ABCC12: variants seen among roughly 807,000 people sequenced by gnomAD.
ABCC12 encodes ATP binding cassette subfamily C member 12, also known as ATP-binding cassette sub-family C member 12.
ABCC12 carries 142 observed loss-of-function variants against 151.1 expected under a neutral mutation model. The observed-to-expected ratio is 0.94, with a 90% confidence interval of 0.82 to 1.08. ABCC12 has a LOEUF of 1.08. ABCC12 is among the 50% of genes least tolerant of loss of function. ABCC12 has a pLI of 0.00. For synonymous variants in ABCC12, 645 were observed against 646.4 expected (o/e 1.00, Z 0.03); for missense variants, 1,638 against 1,691.1 (o/e 0.97, Z 0.55).
chr16:48,107,292 G>A (rs199964733), intron 20 of ABCC12, 30 bp downstream of exon 20: 8 of 1,597,076 alleles, frequency 5.0e-6, no homozygotes, highest in East Asian at 2.2e-5. Context: ...ACACAGACTC[G>A]GCATCTTCCA....
chr16:48,137,977 G>A (rs572815398), intron 8 of ABCC12, among the ~76,000 whole-genome samples: 3 of 152,208 alleles, frequency 2.0e-5, no homozygotes, highest in African/African-American at 4.8e-5. Context: ...AAAGTAACTC[G>A]CCAGGACCAG....
At chr16:48,108,054 A>C (rs1963557756) in intron 19 of ABCC12, among the ~76,000 whole-genome samples, 1 of 152,150 alleles carries the variant, frequency 6.6e-6, no homozygotes. Context: ...AACCAAGGAA[A>C]ACCCAGTCTT....
intron 8 of ABCC12, among the ~76,000 whole-genome samples, chr16:48,134,447 G>C (rs1276716922): frequency 6.6e-6 from 1 of 152,186 alleles, no homozygotes; most frequent in Non-Finnish European, 1.5e-5. Flanking sequence ...AGAATGTTTG[G>C]TTCCCTATAG....
chr16:48,152,958 T>G (rs1965136413), intron 2 of ABCC12, among the ~76,000 whole-genome samples: 1 of 152,144 alleles, frequency 6.6e-6, no homozygotes, highest in Admixed American at 6.5e-5. Flanking sequence ...GAAAATTAAT[T>G]TGCTATAAAG....
At position 48,088,040 on chromosome 16, in the gene ABCC12, G is replaced by T; in HGVS notation, c.3521C>A (p.Ala1174Asp). Residue 1174 changes from alanine (A) to aspartate (D), a missense_variant, in exon 27 of 31, where the codon GCC becomes GAC. Ala to Asp is a moderately radical substitution (Grantham distance 126, BLOSUM62 -2). Transcript: ENST00000311303. ...GMALFRLVEP[A>D]SGTIFIDEVD... ...CTCATCAATAAAGATTGTGCCACTG[G>T]CTGGCTCCACCAGACGAAACAAAGC... 1.2e-6 allele frequency: 2 copies of T among 1,614,204 alleles called. No homozygotes were observed. Among genetic ancestry groups the T allele is most frequent in the Middle Eastern group, 1.6e-4 (1 of 6,062 alleles).
intron 3 of ABCC12, 34 bp from the exon 4 acceptor site, chr16:48,144,099 A>C: frequency 6.3e-6 from 10 of 1,590,234 alleles, no homozygotes; most frequent in Non-Finnish European, 8.6e-6. Flanking sequence ...CGTTCCAGGC[A>C]CTGGGGTCAT....
intron 24 of ABCC12, among the ~76,000 whole-genome samples, chr16:48,094,021 A>T (rs1597303105): frequency 6.6e-6 from 1 of 152,228 alleles, no homozygotes; most frequent in East Asian, 1.9e-4. Context: ...AAGTGTTCCC[A>T]TAGATCTCAA....
At chr16:48,128,062 T>A (rs937691677) in intron 11 of ABCC12, among the ~76,000 whole-genome samples, 1 of 152,160 alleles carries the variant, frequency 6.6e-6, no homozygotes, top group Non-Finnish European at 1.5e-5. Flanking sequence ...GAGGCCGCAG[T>A]GAGTTCTGAT....
At chr16:48,146,599 T>C (rs149371123) in intron 2 of ABCC12, 125 bp from the exon 3 acceptor site, 27 of 593,798 alleles carry the variant, frequency 4.5e-5, no homozygotes, top group African/African-American at 4.1e-4. Context: ...ACCAATGAGC[T>C]TTCCACATTT....
chr16:48,146,582 T>G (rs1965011723), intron 2 of ABCC12, 108 bp from the exon 3 acceptor site: 1 of 619,858 alleles, frequency 1.6e-6, no homozygotes, highest in Non-Finnish European at 2.8e-6. Context: ...CCCTGAGAAC[T>G]GTTTTCACCA....
chr16:48,082,603 A>C lies in ABCC12; in HGVS notation c.*1112T>G, dbSNP rs1234464004. The stretch of plus-strand genomic sequence containing the variant: ...CGTCTGGGGAAGCAAGTACGTGACC[A>C]ACACTTACAAGGGAAGTGGGGTGGG... On this transcript the variant is annotated 3_prime_UTR_variant, in exon 31 of 31. Coordinates refer to ENST00000311303, the MANE Select transcript of ABCC12 (RefSeq NM_001393797.1). Among the ~76,000 whole-genome samples the C allele has an allele frequency of 6.6e-6, 1 of 152,154 alleles. No homozygotes were observed. The highest frequency in any genetic ancestry group is 1.5e-5 in the Non-Finnish European group (1 of 68,014).
chr16:48,091,058 G>C, intron 25 of ABCC12, 62 bp downstream of exon 25: 1 of 1,500,130 alleles, frequency 6.7e-7, no homozygotes, highest in Non-Finnish European at 9.3e-7. Context: ...AAAAGATCCA[G>C]TATTTGCCCA....
chr16:48,130,933 G>C (rs774659337), intron 9 of ABCC12, 38 bp from the exon 10 acceptor site: 1 of 1,473,770 alleles, frequency 6.8e-7, no homozygotes. Context: ...TTTAGAAGGA[G>C]AAGTCACGTT....
chr16:48,117,372 ACC>A (rs768756409), intron 13 of ABCC12, 39 bp from the exon 14 acceptor site: 1 of 1,604,340 alleles, frequency 6.2e-7, no homozygotes, highest in South Asian at 1.1e-5. Flanking sequence ...GGTGAGAAAG[ACC>A]CCAAGCACTG....
chr16:48,104,565 C>T (rs1224101697), intron 21 of ABCC12, among the ~76,000 whole-genome samples, 197 bp from the exon 22 acceptor site: 1 of 152,188 alleles, frequency 6.6e-6, no homozygotes, highest in Non-Finnish European at 1.5e-5. Context: ...TGTGGGGATT[C>T]AGTCTCTGTG....
chr16:48,138,451 G>C, intron 7 of ABCC12, 76 bp from the exon 8 acceptor site: 1 of 1,501,740 alleles, frequency 6.7e-7, no homozygotes, highest in Middle Eastern at 2.0e-4. Context: ...AGAAATGGGA[G>C]TGTAAGTGCC....
chr16:48,132,786 G>A (rs1403878838), intron 9 of ABCC12, among the ~76,000 whole-genome samples: 1 of 152,128 alleles, frequency 6.6e-6, no homozygotes, highest in Non-Finnish European at 1.5e-5. Context: ...TAGGACCTAA[G>A]AGCCTGAGAT....
Position 48,141,168 on chromosome 16 carries a change from G to A in ABCC12, c.423+38C>T, listed in dbSNP as rs771289534. ...CTAATGACATTCTTTGCTAGGCTGG[G>A]GACCTAGCAGATGAGGAGGAAGGGC... On this transcript the variant is annotated intron_variant, in intron 5 of 30. Coordinates refer to ENST00000311303, the MANE Select transcript of ABCC12 (RefSeq NM_001393797.1). 6 of 1,606,332 alleles carry A rather than the reference G, an allele frequency of 3.7e-6. No homozygotes were observed. In the African/African-American group the frequency reaches 4.0e-5, roughly 11 times the overall value.
At chr16:48,097,148 A>G (rs185260125) in intron 23 of ABCC12, among the ~76,000 whole-genome samples, 6 of 152,330 alleles carry the variant, frequency 3.9e-5, no homozygotes, top group Admixed American at 2.0e-4. Context: ...TCATGTGGCA[A>G]TAGAGTAGGG....
Sources: gnomAD v4.1 joint callset for allele counts (sites outside exome capture counted in the v4.1 genomes callset) on GRCh38, gnomAD v4.1.1 for gene constraint, MANE v1.5 for transcripts, NCBI Gene and HGNC (gene_info 2026-07-23, HGNC 2026-07-21) for gene names.